The following RALYL variants were observed in gnomAD, a reference collection of about 807,000 sequenced individuals.
RALYL encodes the protein RNA-binding Raly-like protein.
A neutral mutation model predicts 35.1 loss-of-function variants in RALYL; 29 were observed. The observed-to-expected ratio is 0.83, with a 90% CI of 0.61 to 1.13. The LOEUF (loss-of-function observed/expected upper bound fraction) is 1.13, where lower values mean the gene tolerates loss of function less well. RALYL is among the 50% of genes most tolerant of loss of function. The pLI, the probability that RALYL is intolerant of heterozygous loss-of-function variation, is 0.00. For synonymous variants in RALYL, 120 were observed against 127.6 expected, an observed-to-expected ratio of 0.94 and a Z score of 0.40; for missense variants, 359 against 360.4, an observed-to-expected ratio of 1.00 and a Z score of 0.03.
At chr8:84,486,904 T>A (rs915499229) in intron 1 of RALYL, among the ~76,000 whole-genome samples, 19 of 152,220 alleles carry the variant, frequency 1.2e-4, no homozygotes, top group African/African-American at 4.6e-4. Flanking sequence ...AATAATGTTG[T>A]ACAGTAGATC....
chr8:84,578,580 G>C (rs189308498), intron 2 of RALYL, among the ~76,000 whole-genome samples: 16 of 152,328 alleles, frequency 1.1e-4, no homozygotes, highest in Non-Finnish European at 1.6e-4. Context: ...GAGACCTGAA[G>C]TGGGTAGCTC....
intron 1 of RALYL, among the ~76,000 whole-genome samples, chr8:84,297,836 G>GT: frequency 6.6e-6 from 1 of 152,082 alleles, no homozygotes; most frequent in Admixed American, 6.6e-5. Context: ...TTGTTTGCGT[G>GT]TATGTCTTCT....
intron 1 of RALYL, among the ~76,000 whole-genome samples, chr8:84,324,010 G>A (rs749664453): frequency 3.3e-5 from 5 of 152,036 alleles, no homozygotes; most frequent in Non-Finnish European, 5.9e-5. Flanking sequence ...ATGTAATATA[G>A]TTATTAGTGT....
intron 1 of RALYL, among the ~76,000 whole-genome samples, chr8:84,226,036 G>T (rs1416876394): frequency 6.6e-6 from 1 of 152,144 alleles, no homozygotes; most frequent in African/African-American, 2.4e-5. Context: ...GACCAGTACT[G>T]GTCTGTGGCC....
At chr8:84,327,469 G>A (rs1028254394) in intron 1 of RALYL, among the ~76,000 whole-genome samples, 5 of 152,168 alleles carry the variant, frequency 3.3e-5, no homozygotes, top group African/African-American at 9.6e-5. Context: ...GAATTTCAAC[G>A]TATGGACCAG....
At chr8:84,313,408 G>T (rs74667692) in intron 1 of RALYL, among the ~76,000 whole-genome samples, 7,213 of 152,236 alleles carry the variant, frequency 0.047, 269 homozygotes, top group African/African-American at 0.083. Context: ...AGAAAGTGGG[G>T]TTTTCTATCA....
chr8:84,202,617 C>T (rs1436258685), intron 1 of RALYL, among the ~76,000 whole-genome samples: 1 of 151,988 alleles, frequency 6.6e-6, no homozygotes, highest in African/African-American at 2.4e-5. Context: ...TGTGATCCAC[C>T]CACCTTGGCC....
At chr8:84,691,307 GA>G (rs1838001245) in intron 2 of RALYL, among the ~76,000 whole-genome samples, 1 of 151,986 alleles carries the variant, frequency 6.6e-6, no homozygotes, top group Non-Finnish European at 1.5e-5. Flanking sequence ...GGTTTACAAG[GA>G]GGTTATCTTT....
chr8:84,530,943 C>A (rs1159931826), intron 2 of RALYL, among the ~76,000 whole-genome samples: 1 of 152,128 alleles, frequency 6.6e-6, no homozygotes, highest in African/African-American at 2.4e-5. Flanking sequence ...GACAACAGGT[C>A]TTTGCTAATT....
chr8:84,686,662 C>G (rs1163046600), intron 2 of RALYL, among the ~76,000 whole-genome samples: 1 of 152,130 alleles, frequency 6.6e-6, no homozygotes, highest in East Asian at 1.9e-4. Context: ...ATCTCGGCCT[C>G]CCAAAGTGCT....
chr8:84,566,022 A>G (rs2061757355), intron 2 of RALYL, among the ~76,000 whole-genome samples: 1 of 149,456 alleles, frequency 6.7e-6, no homozygotes, highest in Admixed American at 6.7e-5. Flanking sequence ...CATTTGAATT[A>G]GGTCAGGCAA....
chr8:84,267,717 G>A (rs1000131286), intron 1 of RALYL, among the ~76,000 whole-genome samples: 1 of 152,186 alleles, frequency 6.6e-6, no homozygotes, highest in African/African-American at 2.4e-5. Context: ...CTGTTTATTA[G>A]TTGAATATTT....
Position 84,342,331 on chromosome 8 carries a change from A to T in RALYL, c.-24+157907A>T, listed in dbSNP as rs1227048152. On this transcript the variant is annotated intron_variant, in intron 1 of 8. Transcript: ENST00000521268. ...AAGTGTGGTCCTCCCAAATCATTTA[A>T]TATGAGAACAGCCAGGCCTACACAC... Among the ~76,000 whole-genome samples, 9 of 113,784 alleles carry T rather than the reference A, an allele frequency of 7.9e-5. No homozygotes were observed. The East Asian group carries it at 2.5e-3, about 31-fold the overall frequency. The allele number at this position is 113,784 out of a possible 152,430, so 74.6% of individuals were successfully genotyped here.
chr8:84,324,796 A>T (rs935667159), intron 1 of RALYL, among the ~76,000 whole-genome samples: 5 of 152,088 alleles, frequency 3.3e-5, no homozygotes, highest in African/African-American at 4.8e-5. Flanking sequence ...GGTTTCAGCT[A>T]CTGTACCTCC....
intron 1 of RALYL, among the ~76,000 whole-genome samples, chr8:84,206,352 C>T (rs1818045547): frequency 1.3e-5 from 2 of 152,086 alleles, no homozygotes; most frequent in South Asian, 4.1e-4. Context: ...AGTCAGGTGA[C>T]CTCATTTGAG....
chr8:84,563,012 G>A (rs1372968394), intron 2 of RALYL, among the ~76,000 whole-genome samples: 3 of 151,832 alleles, frequency 2.0e-5, no homozygotes, highest in Admixed American at 1.3e-4. Flanking sequence ...GAAAGGAATG[G>A]CAGTCACTCT....
intron 2 of RALYL, among the ~76,000 whole-genome samples, chr8:84,566,933 C>A (rs2061822910): frequency 6.6e-6 from 1 of 151,670 alleles, no homozygotes; most frequent in East Asian, 1.9e-4. Flanking sequence ...ATATAATTCT[C>A]TCATTTACAG....
intron 2 of RALYL, among the ~76,000 whole-genome samples, chr8:84,768,448 C>A (rs1018699962): frequency 6.6e-6 from 1 of 152,184 alleles, no homozygotes; most frequent in African/African-American, 2.4e-5. Flanking sequence ...GGAATCCTTT[C>A]TGCCCCTTTC....
At chr8:84,616,260 G>C (rs1819604382) in intron 2 of RALYL, among the ~76,000 whole-genome samples, 3 of 85,762 alleles carry the variant, frequency 3.5e-5, no homozygotes, top group East Asian at 7.4e-4. Context: ...AGCACCTGTT[G>C]TTTCCTGACT....
Sources: gnomAD v4.1 joint callset for allele counts (sites outside exome capture counted in the v4.1 genomes callset) on GRCh38, gnomAD v4.1.1 for gene constraint, MANE v1.5 for transcripts, NCBI Gene and HGNC (gene_info 2026-07-23, HGNC 2026-07-21) for gene names.